C10orf90: variants seen among roughly 807,000 people sequenced by gnomAD.
The protein encoded by C10orf90 is chromosome 10 open reading frame 90, also known as (E2-independent) E3 ubiquitin-conjugating enzyme FATS.
A neutral mutation model predicts 62.5 loss-of-function variants in C10orf90; 56 were observed. That is an observed-to-expected ratio of 0.90 (90% CI 0.72 to 1.12). C10orf90 has a LOEUF of 1.12. Among genes scored for constraint, C10orf90 ranks in the 50% most tolerant of loss-of-function variants. C10orf90 has a pLI of 0.00. For missense variants in C10orf90, 970 were observed against 880.4 expected (o/e 1.10, Z -1.29); for synonymous variants, 386 against 340.4 (o/e 1.13, Z -1.47).
intron 2 of C10orf90, among the ~76,000 whole-genome samples, chr10:126,625,048 C>T (rs12779575): frequency 0.047 from 7,147 of 152,304 alleles, 243 homozygotes; most frequent in Middle Eastern, 0.11. Flanking sequence ...GGCCCCCGTC[C>T]ATGCTGATGC....
At chr10:126,525,812 C>T (rs1055701409) in intron 2 of C10orf90, among the ~76,000 whole-genome samples, 10 of 151,760 alleles carry the variant, frequency 6.6e-5, no homozygotes, top group Non-Finnish European at 4.4e-5. Context: ...TGTTCTTCTC[C>T]CTGGTGTGGG....
rs778895528 is a variant in C10orf90, at chr10:126,504,343, T to G, written c.1148A>C (p.His383Pro). Residue 383 changes from histidine to proline, a missense_variant, in exon 4 of 10, where the codon CAC (histidine) becomes CCC (proline). Coordinates refer to ENST00000488181, the MANE Select transcript of C10orf90 (RefSeq NM_001350921.2). The surrounding 1 kb of genome is among the most constrained non-coding windows in gnomAD (Gnocchi z 4.1). ...GAGGTTGAGCGACAGGACGGATCTG[T>G]GCATTTTGGGGCTGGCAATTTGAGG... ...EPPQIASPKMHRSVLSLNLNC... is the reference protein window; with the variant it reads ...EPPQIASPKMPRSVLSLNLNC... 6.2e-7 allele frequency: 1 copy of G among 1,614,058 alleles called. No homozygotes were observed. The highest frequency in any genetic ancestry group is 8.5e-7 in the Non-Finnish European group (1 of 1,180,058).
chr10:126,577,807 C>G (rs1404791448), intron 2 of C10orf90, among the ~76,000 whole-genome samples: 1 of 151,936 alleles, frequency 6.6e-6, no homozygotes, highest in East Asian at 1.9e-4. Flanking sequence ...GCAAACTAAC[C>G]AGTAGAAATC....
intron 2 of C10orf90, among the ~76,000 whole-genome samples, chr10:126,585,870 AG>A (rs1385840582): frequency 6.6e-6 from 1 of 152,180 alleles, no homozygotes; most frequent in Non-Finnish European, 1.5e-5. Flanking sequence ...GGAACTACAT[AG>A]AAATGCAAAT....
intron 1 of C10orf90, among the ~76,000 whole-genome samples, chr10:126,668,621 G>A (rs1393585713): frequency 3.3e-5 from 5 of 152,346 alleles, no homozygotes; most frequent in South Asian, 2.1e-4. Flanking sequence ...GACAGGGGGT[G>A]CAAATCCCAT....
chr10:126,564,330 G>A (rs1196091516), intron 2 of C10orf90, among the ~76,000 whole-genome samples: 3 of 152,030 alleles, frequency 2.0e-5, no homozygotes, highest in Non-Finnish European at 4.4e-5. Context: ...GGGTCTAGAA[G>A]TGGTGACTCT....
chr10:126,501,769 C>T (rs994662770), intron 4 of C10orf90, among the ~76,000 whole-genome samples: 18 of 152,108 alleles, frequency 1.2e-4, no homozygotes, highest in African/African-American at 4.3e-4. Flanking sequence ...TTTGCAGCAA[C>T]TTGGTTGAAG....
rs373921585 is a variant in C10orf90, at chr10:126,442,907, G to A, written c.2189-13057C>T. On this transcript the variant is annotated intron_variant, in intron 7 of 9. Coordinates refer to ENST00000488181, the MANE Select transcript of C10orf90 (RefSeq NM_001350921.2). ...GAAATTAAATTACCTGCTCCTGGAT[G>A]AGCATTGGCTCAAAAACGAAATCAA... 3.9e-5 allele frequency among the ~76,000 whole-genome samples: 6 copies of A among 151,918 alleles called. No homozygotes were observed. In the South Asian group the frequency reaches 6.2e-4, roughly 16 times the overall value.
intron 2 of C10orf90, among the ~76,000 whole-genome samples, chr10:126,576,501 A>G (rs954735788): frequency 2.6e-5 from 4 of 151,722 alleles, no homozygotes; most frequent in Non-Finnish European, 4.4e-5. Flanking sequence ...CACTTCGGAG[A>G]GCAATATGGA....
intron 3 of C10orf90, among the ~76,000 whole-genome samples, chr10:126,510,640 C>T (rs768549166): frequency 6.6e-6 from 1 of 152,178 alleles, no homozygotes; most frequent in Non-Finnish European, 1.5e-5. Flanking sequence ...TCCTGACCAG[C>T]ACCACATAAC....
At position 126,453,910 on chromosome 10, in the gene C10orf90, G is replaced by C. The variant is rs1171943856; in HGVS notation, c.2188+5130C>G. Among the ~76,000 whole-genome samples the C allele has an allele frequency of 1.3e-5, 2 of 152,164 alleles. No individual in the cohort carries two copies. The highest frequency in any genetic ancestry group is 2.9e-5 in the Non-Finnish European group (2 of 68,024). On this transcript the variant is annotated intron_variant, in intron 7 of 9. Transcript: ENST00000488181. The surrounding 1 kb of genome is among the most constrained non-coding windows in gnomAD (Gnocchi z 4.9). ...TGTTTTTGGAGTGAAGGAAGGACAG[G>C]AAATGAGACCAACTGGAAAGGTTGA...
At chr10:126,448,274 C>A (rs772215366) in intron 7 of C10orf90, among the ~76,000 whole-genome samples, 8 of 151,810 alleles carry the variant, frequency 5.3e-5, no homozygotes, top group Non-Finnish European at 1.0e-4. Context: ...TGCTCCTGAA[C>A]AACCAATGGG....
chr10:126,521,492 A>G (rs1863741561), intron 2 of C10orf90: 1 of 1,438,764 alleles, frequency 7.0e-7, no homozygotes, highest in Non-Finnish European at 9.1e-7. Context: ...AAAGCTCTAT[A>G]TGTAATGAAG....
At chr10:126,599,977 T>C (rs1341818164) in intron 2 of C10orf90, among the ~76,000 whole-genome samples, 1 of 152,230 alleles carries the variant, frequency 6.6e-6, no homozygotes, top group East Asian at 1.9e-4. Context: ...TTTTAAGATG[T>C]AAATGTCTAT....
chr10:126,508,112 C>T (rs1048856429), intron 3 of C10orf90, among the ~76,000 whole-genome samples: 2 of 149,558 alleles, frequency 1.3e-5, no homozygotes, highest in African/African-American at 2.5e-5. Flanking sequence ...CCAAAGTTTG[C>T]GCCAGGGACT....
chr10:126,509,461 G>A (rs548280969), intron 3 of C10orf90, among the ~76,000 whole-genome samples: 3 of 152,228 alleles, frequency 2.0e-5, no homozygotes, highest in Admixed American at 6.5e-5. Flanking sequence ...GAATGCATTT[G>A]GGTTTACCTG....
chr10:126,651,620 G>A (rs1846293051), intron 1 of C10orf90, among the ~76,000 whole-genome samples: 1 of 152,058 alleles, frequency 6.6e-6, no homozygotes, highest in African/African-American at 2.4e-5. Flanking sequence ...GAACAGAAAC[G>A]TTATACAGAG....
chr10:126,468,465 G>A (rs1860405987), intron 4 of C10orf90, among the ~76,000 whole-genome samples: 1 of 152,182 alleles, frequency 6.6e-6, no homozygotes, highest in Non-Finnish European at 1.5e-5. Context: ...GCTTTCATGT[G>A]AGTTTATGGG....
intron 2 of C10orf90, among the ~76,000 whole-genome samples, chr10:126,517,923 A>C (rs1362595533): frequency 6.6e-6 from 1 of 151,774 alleles, no homozygotes; most frequent in African/African-American, 2.4e-5. Context: ...AAAAAAAAAA[A>C]AAAAAAGGAA....
Sources: gnomAD v4.1 joint callset for allele counts (sites outside exome capture counted in the v4.1 genomes callset) on GRCh38, gnomAD v4.1.1 for gene constraint, Gnocchi (gnomAD v3.1) non-coding constraint, MANE v1.5 for transcripts, NCBI Gene and HGNC (gene_info 2026-07-23, HGNC 2026-07-21) for gene names.